MAPK10: variants seen among roughly 807,000 people sequenced by gnomAD.
MAPK10 encodes mitogen-activated protein kinase 10.
A neutral mutation model predicts 59.3 loss-of-function variants in MAPK10; 25 were observed. The observed-to-expected ratio is 0.42, with a 90% CI of 0.31 to 0.59. The LOEUF is 0.59. MAPK10 is among the 20% of genes least tolerant of loss of function. MAPK10 has a pLI of 0.15. For synonymous variants in MAPK10, 190 were observed against 200.5 expected (o/e 0.95, Z 0.44); for missense variants, 351 against 568.9 (o/e 0.62, Z 3.90).
At chr4:86,025,498 T>TA (rs1749718612) in intron 13 of MAPK10, 2 of 398,290 alleles carry the variant, frequency 5.0e-6, no homozygotes, top group Non-Finnish European at 8.9e-6. Flanking sequence ...GAAAATCTCT[T>TA]AAACAGAATT....
At chr4:86,107,593 G>T (rs1196569907) in intron 4 of MAPK10, 2 of 1,124,320 alleles carry the variant, frequency 1.8e-6, no homozygotes. Flanking sequence ...GAGAAGGGGG[G>T]AAGGAGTAGA....
chr4:86,237,284 C>G (rs1231886974), intron 2 of MAPK10, among the ~76,000 whole-genome samples: 1 of 151,984 alleles, frequency 6.6e-6, no homozygotes, highest in African/African-American at 2.4e-5. Context: ...GTTCTGTGTC[C>G]GTGCTATTGT....
chr4:86,167,770 A>G (rs2072331252), intron 3 of MAPK10, among the ~76,000 whole-genome samples: 3 of 152,002 alleles, frequency 2.0e-5, no homozygotes, highest in Admixed American at 2.0e-4. Flanking sequence ...CCCACAACCC[A>G]CAACTGAATG....
At chr4:86,559,879 C>T (rs147549293) in intron 1 of MAPK10, among the ~76,000 whole-genome samples, 56 of 149,706 alleles carry the variant, frequency 3.7e-4, no homozygotes, top group Non-Finnish European at 7.1e-4. Context: ...GCAGAGATTG[C>T]AGTGAGCCGA....
intron 4 of MAPK10, among the ~76,000 whole-genome samples, chr4:86,144,687 T>C (rs529167536): frequency 6.6e-6 from 1 of 152,306 alleles, no homozygotes; most frequent in South Asian, 2.1e-4. Context: ...TAATTTCTTA[T>C]TGATAATGCA....
chr4:86,365,468 A>AAAAAAAAAAAC (rs1737708171), intron 1 of MAPK10, among the ~76,000 whole-genome samples: 1 of 141,930 alleles, frequency 7.0e-6, no homozygotes, highest in Non-Finnish European at 1.5e-5. Context: ...AAAAAAAAAA[A>AAAAAAAAAAAC]TTCTCACCTT....
rs112287084 is a variant in MAPK10, at chr4:86,017,143, TTG to T, written c.*83_*84del. Reference sequence around the variant, plus strand: ...TTTTCTTGATGTTGTGTGTCTGCATTTGTGTGTGTGTGTGTGTCTGCGTGTGT... The same window carrying T: ...TTTTCTTGATGTTGTGTGTCTGCATTTGTGTGTGTGTGTGTCTGCGTGTGT... On this transcript the variant is annotated 3_prime_UTR_variant, in exon 14 of 14. Coordinates refer to ENST00000641462, the MANE Select transcript of MAPK10 (RefSeq NM_138982.4). This position sits in a 1 kb window ranked among gnomAD's most constrained non-coding sequence, Gnocchi z 4.4. The T allele has an allele frequency of 8.1e-3, 9,879 of 1,212,242 alleles. No homozygotes were observed. Among genetic ancestry groups the T allele is most frequent in the South Asian group, 8.9e-3 (581 of 65,038 alleles). The allele number at this position is 1,212,242 out of a possible 1,614,324, so 75.1% of individuals were successfully genotyped here.
At chr4:86,587,607 G>T (rs1270651913) in intron 1 of MAPK10, among the ~76,000 whole-genome samples, 1 of 152,174 alleles carries the variant, frequency 6.6e-6, no homozygotes, top group Non-Finnish European at 1.5e-5. Flanking sequence ...AAGCAAGAAA[G>T]GATAATATGC....
chr4:86,483,476 G>A (rs1753754585), intron 1 of MAPK10, among the ~76,000 whole-genome samples: 1 of 152,036 alleles, frequency 6.6e-6, no homozygotes, highest in African/African-American at 2.4e-5. Flanking sequence ...TTCATGAAAC[G>A]TGCAAATTCT....
intron 2 of MAPK10, among the ~76,000 whole-genome samples, chr4:86,237,231 G>A (rs908959621): frequency 2.6e-5 from 4 of 152,080 alleles, no homozygotes. Flanking sequence ...TGGTGAATAT[G>A]TACCACATTT....
chr4:86,024,285 CACAAATTTATATCT>C (rs1254292234), intron 13 of MAPK10: 1 of 152,090 alleles, frequency 6.6e-6, no homozygotes, highest in African/African-American at 2.4e-5. Context: ...TTCTCCAAAA[CACAAATTTATATCT>C]ACAAATAATA....
At chr4:86,468,705 T>A (rs1752412847) in intron 1 of MAPK10, among the ~76,000 whole-genome samples, 1 of 151,962 alleles carries the variant, frequency 6.6e-6, no homozygotes, top group African/African-American at 2.4e-5. Context: ...AATACAAAAA[T>A]TAGCCAGGCG....
Position 86,105,500 on chromosome 4 carries a change from C to T in MAPK10, c.366+1723G>A, listed in dbSNP as rs2056372244. On this transcript the variant is annotated intron_variant, in intron 5 of 13. Transcript: ENST00000641462. Reference sequence around the variant, plus strand: ...AAACTGACCAAGTAAGTGAGCATTTCTCCACATTCTATTGCATTACAGGGT... The same window carrying T: ...AAACTGACCAAGTAAGTGAGCATTTTTCCACATTCTATTGCATTACAGGGT... 2.0e-5 allele frequency among the ~76,000 whole-genome samples: 3 copies of T among 152,240 alleles called. No homozygotes were observed. The East Asian group carries it at 5.8e-4, about 29-fold the overall frequency.
At chr4:86,480,971 A>G (rs78279531) in intron 1 of MAPK10, among the ~76,000 whole-genome samples, 7,751 of 152,256 alleles carry the variant, frequency 0.051, 254 homozygotes, top group African/African-American at 0.071. Flanking sequence ...AGGAAAACCA[A>G]CAAGGCTGTC....
intron 1 of MAPK10, among the ~76,000 whole-genome samples, chr4:86,536,812 G>A (rs1758276681): frequency 6.6e-6 from 1 of 152,178 alleles, no homozygotes; most frequent in Non-Finnish European, 1.5e-5. Context: ...TAGTAAAAAT[G>A]AAACCATAAA....
intron 4 of MAPK10, among the ~76,000 whole-genome samples, chr4:86,108,160 A>C (rs1480669732): frequency 2.0e-5 from 3 of 152,188 alleles, no homozygotes; most frequent in Non-Finnish European, 4.4e-5. Context: ...ACAAAAATAA[A>C]TGCTATTCAC....
At chr4:86,149,456 C>T (rs2149204135) in intron 4 of MAPK10, among the ~76,000 whole-genome samples, 1 of 152,162 alleles carries the variant, frequency 6.6e-6, no homozygotes, top group African/African-American at 2.4e-5. Context: ...TTAGTAGAAA[C>T]AGGTTTCGCC....
At chr4:86,066,674 A>C (rs2046800744) in intron 10 of MAPK10, among the ~76,000 whole-genome samples, 1 of 147,672 alleles carries the variant, frequency 6.8e-6, no homozygotes, top group African/African-American at 2.5e-5. Context: ...TTGAGGCAGG[A>C]GAATGGAGTG....
chr4:86,098,630 G>A (rs754967219), intron 8 of MAPK10, 35 bp from the exon 9 acceptor site: 1 of 1,490,528 alleles, frequency 6.7e-7, no homozygotes, highest in South Asian at 1.1e-5. Flanking sequence ...GAAGAAAAGG[G>A]AGGAAAGTAA....
Sources: allele counts gnomAD v4.1 joint callset (sites outside exome capture counted in the v4.1 genomes callset), GRCh38; gene constraint gnomAD v4.1.1; non-coding constraint Gnocchi (gnomAD v3.1); transcripts MANE v1.5; gene names NCBI Gene and HGNC (gene_info 2026-07-23, HGNC 2026-07-21).